Variants in ACACA observed in about 807,000 individuals in gnomAD.
ACACA encodes acetyl-CoA carboxylase 1.
Under a neutral mutation model 296.1 loss-of-function variants are expected in ACACA, and 103 were observed. The ratio of observed to expected loss-of-function variants is 0.35; its 90% confidence interval spans 0.30 to 0.41. The LOEUF (loss-of-function observed/expected upper bound fraction) is 0.41. Ranked by LOEUF, ACACA falls within the 10% of genes least tolerant of loss-of-function variation. The probability of loss-of-function intolerance (pLI) is 1.00; values close to 1 mark genes in which losing one functional copy is unlikely to be tolerated. For missense variants in ACACA, 1,554 were observed against 2,989.7 expected (o/e 0.52, Z 11.20); for synonymous variants, 953 against 1,038.6 (o/e 0.92, Z 1.58).
intron 13 of ACACA, 46 bp from the exon 14 acceptor site, chr17:37,257,912 AGAG>A: frequency 6.2e-7 from 1 of 1,601,234 alleles, no homozygotes; most frequent in East Asian, 2.2e-5. Context: ...TTTCGAAGGA[AGAG>A]AAGATTTATA....
chr17:37,263,677 A>G lies in ACACA; in HGVS notation c.1329+8T>C, dbSNP rs779675058. 9 of 1,611,014 alleles carry G rather than the reference A, an allele frequency of 5.6e-6. No homozygotes were observed. In the East Asian group the frequency reaches 1.3e-4, roughly 24 times the overall value. On this transcript the variant is annotated splice_region_variant and intron_variant, in intron 11 of 55. Transcript: ENST00000616317. ...GAAAACATAAAGTAAGCCTTTTAAT[A>G]TATGTACCTGTTCCATGTGTTCAAA...
intron 2 of ACACA, among the ~76,000 whole-genome samples, chr17:37,333,878 T>C (rs1048015961): frequency 1.3e-5 from 2 of 150,880 alleles, no homozygotes; most frequent in African/African-American, 2.4e-5. Context: ...GGTAGATACT[T>C]TCACTGGTTG....
intron 8 of ACACA, among the ~76,000 whole-genome samples, chr17:37,275,592 C>T (rs2146470562): frequency 6.6e-6 from 1 of 152,070 alleles, no homozygotes; most frequent in East Asian, 1.9e-4. Context: ...ATCCAGGCTA[C>T]TCCCAGGCAG....
At chr17:37,324,790 G>C (rs1227622739) in intron 3 of ACACA, among the ~76,000 whole-genome samples, 1 of 136,608 alleles carries the variant, frequency 7.3e-6, no homozygotes, top group African/African-American at 2.8e-5. Context: ...AGCCGAGATC[G>C]CACCATTGCA....
intron 50 of ACACA, among the ~76,000 whole-genome samples, chr17:37,114,031 T>A (rs1420286524): frequency 6.6e-6 from 1 of 151,848 alleles, no homozygotes. Context: ...CTACAAATAA[T>A]AAAAAATTAG....
intron 1 of ACACA, among the ~76,000 whole-genome samples, chr17:37,394,523 G>A (rs2051008529): frequency 6.6e-6 from 1 of 150,720 alleles, no homozygotes; most frequent in African/African-American, 2.4e-5. Flanking sequence ...AGCCTTATTT[G>A]CTGTTTCTAT....
chr17:37,094,256 A>G (rs969420501), intron 54 of ACACA, among the ~76,000 whole-genome samples: 3 of 152,212 alleles, frequency 2.0e-5, no homozygotes, highest in Admixed American at 6.5e-5. Context: ...ACAGACTCCC[A>G]TAACTCATGG....
intron 48 of ACACA, among the ~76,000 whole-genome samples, chr17:37,125,025 T>G (rs1024878186): frequency 1.3e-5 from 2 of 152,142 alleles, no homozygotes; most frequent in South Asian, 2.1e-4. Flanking sequence ...AGAAGTAGAT[T>G]AAGATCAGTC....
chr17:37,248,206 CA>C, intron 17 of ACACA, 50 bp from the exon 18 acceptor site: 1 of 1,607,414 alleles, frequency 6.2e-7, no homozygotes, highest in Non-Finnish European at 8.5e-7. Context: ...GGTACAGCTC[CA>C]AATGAAATTT....
intron 1 of ACACA, chr17:37,359,116 G>A (rs894009539): frequency 5.1e-6 from 5 of 985,408 alleles, no homozygotes; most frequent in Middle Eastern, 5.2e-4. Context: ...GCACCAGGCC[G>A]GCCCGGCACA....
At chr17:37,359,116 G>T (rs894009539) in intron 1 of ACACA, 19 of 985,408 alleles carry the variant, frequency 1.9e-5, no homozygotes, top group East Asian at 1.1e-4. Flanking sequence ...GCACCAGGCC[G>T]GCCCGGCACA....
intron 10 of ACACA, among the ~76,000 whole-genome samples, chr17:37,267,089 G>A (rs140761800): frequency 6.4e-4 from 98 of 152,274 alleles, no homozygotes; most frequent in African/African-American, 2.3e-3. Flanking sequence ...ATCAATTTCT[G>A]TGTCAATTAT....
chr17:37,138,592 T>C (rs1157876847), intron 45 of ACACA, among the ~76,000 whole-genome samples: 2 of 152,242 alleles, frequency 1.3e-5, no homozygotes, highest in African/African-American at 2.4e-5. Context: ...AAGAGCTCCC[T>C]GTCACCTTCA....
chr17:37,186,401 C>T (rs1303407328), intron 39 of ACACA, among the ~76,000 whole-genome samples: 5 of 152,044 alleles, frequency 3.3e-5, no homozygotes, highest in Non-Finnish European at 5.9e-5. Flanking sequence ...TCTCTTTATA[C>T]GCATAGTGCC....
At chr17:37,281,684 G>A (rs1310130953) in intron 5 of ACACA, among the ~76,000 whole-genome samples, 1 of 152,028 alleles carries the variant, frequency 6.6e-6, no homozygotes, top group Non-Finnish European at 1.5e-5. Context: ...TGGCCAACAT[G>A]GTGAAACCCT....
intron 5 of ACACA, among the ~76,000 whole-genome samples, chr17:37,278,867 CT>C (rs1299786200): frequency 1.3e-5 from 2 of 152,210 alleles, no homozygotes; most frequent in East Asian, 3.9e-4. Flanking sequence ...TTTATTTTAT[CT>C]TGTTCTTTTT....
intron 31 of ACACA, among the ~76,000 whole-genome samples, chr17:37,207,393 T>A (rs887326557): frequency 3.3e-5 from 5 of 152,222 alleles, no homozygotes; most frequent in Non-Finnish European, 7.3e-5. Context: ...GCTTCTTCTG[T>A]TAGCTCCACA....
chr17:37,174,351 G>A (rs1384921783), intron 41 of ACACA, among the ~76,000 whole-genome samples: 2 of 151,868 alleles, frequency 1.3e-5, no homozygotes, highest in East Asian at 1.9e-4. Flanking sequence ...AAGGACACCA[G>A]TGAATCTGCC....
Position 37,085,171 on chromosome 17 carries a change from A to G in ACACA, c.*2145T>C, listed in dbSNP as rs981683367. ...AGGTCTTGGTCAATATCCATCATTT[A>G]TACTCCTCCTGCCTTAGTAGCCTTG... On this transcript the variant is annotated 3_prime_UTR_variant, in exon 56 of 56. Coordinates refer to ENST00000616317, the MANE Select transcript of ACACA (RefSeq NM_198834.3). 5.7e-5 allele frequency: 9 copies of G among 157,166 alleles called. No homozygotes were observed. Among genetic ancestry groups the G allele is most frequent in the Admixed American group, 2.6e-4 (4 of 15,406 alleles). 9.7% of individuals were successfully genotyped at this position (157,166 alleles called of 1,614,324 possible). A position where few individuals can be genotyped will look rare whatever the true frequency, so the allele number is the denominator to read the frequency against.
Sources: gnomAD v4.1 joint callset for allele counts (sites outside exome capture counted in the v4.1 genomes callset) on GRCh38, gnomAD v4.1.1 for gene constraint, MANE v1.5 for transcripts, NCBI Gene and HGNC (gene_info 2026-07-23, HGNC 2026-07-21) for gene names.